Variants in NUP93 observed in about 807,000 individuals in gnomAD.
NUP93 encodes the protein nucleoporin 93.
NUP93 carries 55 observed loss-of-function variants against 107.8 expected under a neutral mutation model. That is an observed-to-expected ratio of 0.51 (90% confidence interval 0.41 to 0.64). The LOEUF (loss-of-function observed/expected upper bound fraction) is 0.64, where lower values mean the gene tolerates loss of function less well. NUP93 is among the 30% of genes least tolerant of loss of function. The pLI is 0.00. For missense variants in NUP93, 937 were observed against 1,044.7 expected (o/e 0.90, Z 1.42); for synonymous variants, 390 against 397.5 (o/e 0.98, Z 0.22).
At chr16:56,821,418 T>G in intron 6 of NUP93, 86 bp from the exon 7 acceptor site, 2 of 904,318 alleles carry the variant, frequency 2.2e-6, no homozygotes, top group Non-Finnish European at 3.5e-6. Flanking sequence ...TGGCCGAAGC[T>G]TCTGCCGGCC....
At chr16:56,797,119 A>T (rs1442809050) in intron 3 of NUP93, among the ~76,000 whole-genome samples, 1 of 151,416 alleles carries the variant, frequency 6.6e-6, no homozygotes, top group Non-Finnish European at 1.5e-5. Flanking sequence ...AAAATACAAA[A>T]ACTAGCAGGG....
At chr16:56,801,351 C>T (rs898535297) in intron 4 of NUP93, among the ~76,000 whole-genome samples, 11 of 152,198 alleles carry the variant, frequency 7.2e-5, no homozygotes, top group Non-Finnish European at 1.5e-5. Flanking sequence ...GTTCCATTAC[C>T]TCTAATGTAA....
chr16:56,792,335 GAGGAATA>G (rs1325005330), intron 3 of NUP93, among the ~76,000 whole-genome samples: 2 of 152,182 alleles, frequency 1.3e-5, no homozygotes, highest in African/African-American at 4.8e-5. Flanking sequence ...GTATGGGGGG[GAGGAATA>G]AATGTGCAAA....
chr16:56,811,545 C>G (rs1249500005), intron 5 of NUP93, among the ~76,000 whole-genome samples: 2 of 151,848 alleles, frequency 1.3e-5, no homozygotes, highest in African/African-American at 4.8e-5. Context: ...GAGTCTCACT[C>G]TGTCACCCAG....
chr16:56,827,958 A>G (rs1048231737), intron 8 of NUP93, among the ~76,000 whole-genome samples: 1 of 152,152 alleles, frequency 6.6e-6, no homozygotes, highest in South Asian at 2.1e-4. Flanking sequence ...CATCTCTACT[A>G]AAAACACGAA....
intron 7 of NUP93, 119 bp from the exon 8 acceptor site, chr16:56,823,588 A>G (rs1291349517): frequency 8.5e-7 from 1 of 1,181,594 alleles, no homozygotes; most frequent in Non-Finnish European, 1.2e-6. Context: ...TCACAGACAG[A>G]TGACATTAAC....
In NUP93 at chr16:56,832,313, G is replaced by C. The variant is rs1963811007; in HGVS notation, c.1270G>C (p.Asp424His). 2 of 1,613,954 alleles carry C rather than the reference G, an allele frequency of 1.2e-6. No individual in the cohort carries two copies. The highest frequency in any genetic ancestry group is 1.3e-5 in the African/African-American group (1 of 74,880). Residue 424 changes from aspartate to histidine, a missense_variant, in exon 12 of 22, where the codon GAC becomes CAC. Coordinates refer to ENST00000308159, the MANE Select transcript of NUP93 (RefSeq NM_014669.5). ...GATTTAGTTGAACCAAGTGTGTTTT[G>C]ACGACGATGGCACCAGCTCCCCACA... ...LWLKLNQVCFDDDGTSSPQDR... is the reference protein window; with the variant it reads ...LWLKLNQVCFHDDGTSSPQDR...
At chr16:56,760,407 AAT>A (rs2144485365) in intron 3 of NUP93, among the ~76,000 whole-genome samples, 1 of 152,240 alleles carries the variant, frequency 6.6e-6, no homozygotes, top group South Asian at 2.1e-4. Flanking sequence ...GAGACTGGGT[AAT>A]ATATAAAGAA....
chr16:56,822,291 T>C (rs1285525587), intron 7 of NUP93, among the ~76,000 whole-genome samples: 1 of 151,806 alleles, frequency 6.6e-6, no homozygotes, highest in Non-Finnish European at 1.5e-5. Context: ...GTGGGTGGAT[T>C]GCTTGCACCC....
chr16:56,746,407 T>C (rs759877864), intron 1 of NUP93, among the ~76,000 whole-genome samples: 122 of 152,338 alleles, frequency 8.0e-4, no homozygotes, highest in Non-Finnish European at 1.6e-3. Flanking sequence ...CAATAAAGAT[T>C]GCGAATTACA....
intron 8 of NUP93, among the ~76,000 whole-genome samples, chr16:56,827,833 T>C (rs1963699687): frequency 6.6e-6 from 1 of 152,164 alleles, no homozygotes; most frequent in African/African-American, 2.4e-5. Flanking sequence ...TTAAAGGCAC[T>C]TGTGGGCCAG....
At chr16:56,790,405 G>A (rs1435205259) in intron 3 of NUP93, among the ~76,000 whole-genome samples, 2 of 151,988 alleles carry the variant, frequency 1.3e-5, no homozygotes, top group Non-Finnish European at 2.9e-5. Flanking sequence ...ACATCTCTTT[G>A]CACTTGAAAA....
intron 3 of NUP93, among the ~76,000 whole-genome samples, chr16:56,789,599 T>TA (rs1257763265): frequency 6.6e-6 from 1 of 152,248 alleles, no homozygotes; most frequent in Non-Finnish European, 1.5e-5. Context: ...CAGCCACTCT[T>TA]ACAGCGTCTG....
At chr16:56,827,778 G>C (rs1466776906) in intron 8 of NUP93, among the ~76,000 whole-genome samples, 1 of 152,230 alleles carries the variant, frequency 6.6e-6, no homozygotes. Context: ...GGAGATTGAG[G>C]GGGGAAGATT....
At chr16:56,832,962 A>G (rs548139724) in intron 12 of NUP93, among the ~76,000 whole-genome samples, 44 of 152,332 alleles carry the variant, frequency 2.9e-4, no homozygotes, top group Non-Finnish European at 5.6e-4. Flanking sequence ...TAATGCAAGC[A>G]GTTGGAGTTT....
At chr16:56,762,362 A>G (rs1291872880) in intron 3 of NUP93, among the ~76,000 whole-genome samples, 1 of 152,198 alleles carries the variant, frequency 6.6e-6, no homozygotes, top group Non-Finnish European at 1.5e-5. Flanking sequence ...GGCCATGAAA[A>G]TGGGAGCTGC....
intron 16 of NUP93, 124 bp from the exon 17 acceptor site, chr16:56,836,477 G>T: frequency 7.5e-6 from 5 of 664,714 alleles, no homozygotes; most frequent in Non-Finnish European, 2.7e-6. Flanking sequence ...AAATATATGC[G>T]TTGCCCAGGG....
At chr16:56,739,808 G>A (rs199544183) in intron 1 of NUP93, among the ~76,000 whole-genome samples, 29 of 46,420 alleles carry the variant, frequency 6.2e-4, no homozygotes, top group South Asian at 1.2e-3. Flanking sequence ...GGGCAGAGGC[G>A]CCCCTCACCT....
intron 1 of NUP93, among the ~76,000 whole-genome samples, chr16:56,738,115 G>A (rs1322292643): frequency 2.6e-5 from 4 of 152,180 alleles, no homozygotes; most frequent in South Asian, 2.1e-4. Flanking sequence ...TTTAAAGACC[G>A]AATTAAAACA....
Sources: allele counts gnomAD v4.1 joint callset (sites outside exome capture counted in the v4.1 genomes callset), GRCh38; gene constraint gnomAD v4.1.1; transcripts MANE v1.5; gene names NCBI Gene and HGNC (gene_info 2026-07-23, HGNC 2026-07-21).